CEP170B: variants seen among roughly 807,000 people sequenced by gnomAD.
CEP170B encodes the protein centrosomal protein of 170 kDa protein B.
In CEP170B, 55 loss-of-function variants were observed where a neutral mutation model predicts 120.6. The observed-to-expected ratio is 0.46, with a 90% CI of 0.37 to 0.57. The LOEUF is 0.57. Ranked by LOEUF, CEP170B falls within the 20% of genes least tolerant of loss-of-function variation. CEP170B has a pLI of 0.00. For synonymous variants in CEP170B, 1,033 were observed against 954.5 expected (o/e 1.08, Z -1.52); for missense variants, 2,212 against 2,253.3 (o/e 0.98, Z 0.37).
At position 104,896,575 on chromosome 14, in the gene CEP170B, G is replaced by C. The variant is rs1424619676; in HGVS notation, c.*1617G>C. The C allele has an allele frequency of 4.4e-6, 2 of 455,800 alleles. No homozygotes were observed. Among genetic ancestry groups the C allele is most frequent in the Non-Finnish European group, 8.8e-6 (2 of 226,910 alleles). The allele number at this position is 455,800 out of a possible 1,614,324, so 28.2% of individuals were successfully genotyped here. A position where few individuals can be genotyped will look rare whatever the true frequency, so the allele number is the denominator to read the frequency against. The stretch of plus-strand genomic sequence containing the variant: ...GCTCCTCCCCACACTGAGCTCCTTT[G>C]TTCCTCCCCCTCCAGCCTTTGCCTG... On this transcript the variant is annotated 3_prime_UTR_variant, in exon 19 of 19. Coordinates refer to ENST00000414716, the MANE Select transcript of CEP170B (RefSeq NM_001112726.3).
Position 104,870,762 on chromosome 14 carries a change from C to T in CEP170B, c.105+2207C>T, listed in dbSNP as rs1037943912. ...GGGCTTCCCAGCTCTCCTCAGTGGC[C>T]GCCCCTGGCCTGGGTGGGCCTGCAT... On this transcript the variant is annotated intron_variant, in intron 2 of 18. Transcript: ENST00000414716. This position sits in a 1 kb window ranked among gnomAD's most constrained non-coding sequence, Gnocchi z 4.1. 1.3e-5 allele frequency among the ~76,000 whole-genome samples: 2 copies of T among 152,142 alleles called. No individual in the cohort carries two copies. The highest frequency in any genetic ancestry group is 2.4e-5 in the African/African-American group (1 of 41,424).
intron 2 of CEP170B, among the ~76,000 whole-genome samples, chr14:104,872,312 T>TGG (rs1895564949): frequency 2.8e-5 from 2 of 72,184 alleles, no homozygotes; most frequent in South Asian, 5.0e-4. Context: ...TGGGTGTGCG[T>TGG]GTGTGCCGTG....
rs773755219 is a variant in CEP170B at position 104,883,457 on chromosome 14, G to A, written c.1000G>A (p.Asp334Asn). 6.4e-7 allele frequency: 1 copy of A among 1,560,240 alleles called. No homozygotes were observed. ...SLLHRVGPGD[D>N]RHSTKSDLPV... ...GCTGCACCGGGTTGGCCCTGGGGATGACCGCCACAGCACCAAGAGCGACCT... is the reference window on the plus strand; with the variant it reads ...GCTGCACCGGGTTGGCCCTGGGGATAACCGCCACAGCACCAAGAGCGACCT... Residue 334 changes from aspartate to asparagine, a missense_variant, in exon 8 of 19, where the codon GAC becomes AAC. Physicochemically the swap from Asp to Asn is conservative, Grantham distance 23. Around this residue, in one of 2 missense-constraint regions of CEP170B, gnomAD observed 2,166 missense variants for 2,166.7 expected, o/e 1.00. Transcript: ENST00000414716.
Position 104,870,659 on chromosome 14 carries a change from G to A in CEP170B, c.105+2104G>A, listed in dbSNP as rs903172421. 6.6e-6 allele frequency among the ~76,000 whole-genome samples: 1 copy of A among 152,170 alleles called. No individual in the cohort carries two copies. The highest frequency in any genetic ancestry group is 1.5e-5 in the Non-Finnish European group (1 of 68,020). On this transcript the variant is annotated intron_variant, in intron 2 of 18. Transcript: ENST00000414716. This position sits in a 1 kb window ranked among gnomAD's most constrained non-coding sequence, Gnocchi z 4.1. ...GTAGGGGAAAAGTGCTGGGGGCAGG[G>A]TGCTCAGGGTGAGTTTGGGGTCCGA...
chr14:104,876,748 G>A (rs1044861589), intron 3 of CEP170B, among the ~76,000 whole-genome samples: 1 of 152,360 alleles, frequency 6.6e-6, no homozygotes, highest in Non-Finnish European at 1.5e-5. Context: ...GGGAAGGGAA[G>A]CACTAGGCTG....
chr14:104,868,687 C>G lies in CEP170B; in HGVS notation c.105+132C>G, dbSNP rs1197875317. On this transcript the variant is annotated intron_variant, in intron 2 of 18. Transcript: ENST00000414716. This position sits in a 1 kb window ranked among gnomAD's most constrained non-coding sequence, Gnocchi z 5.9. ...GGCCGCCATGCAGCCCAGGCTGGGCCTCTTAACTTGGGTCCCGGATGCACC... is the reference window on the plus strand; with the variant it reads ...GGCCGCCATGCAGCCCAGGCTGGGCGTCTTAACTTGGGTCCCGGATGCACC... The G allele has an allele frequency of 4.6e-6, 4 of 873,888 alleles. No homozygotes were observed. Among genetic ancestry groups the G allele is most frequent in the Middle Eastern group, 3.4e-4 (1 of 2,968 alleles). 54.1% of individuals were successfully genotyped at this position (873,888 alleles called of 1,614,324 possible). A position where few individuals can be genotyped will look rare whatever the true frequency, so the allele number is the denominator to read the frequency against.
intron 14 of CEP170B, 61 bp downstream of exon 14, chr14:104,893,196 G>C (rs1352284586): frequency 4.6e-6 from 7 of 1,534,538 alleles, no homozygotes; most frequent in Non-Finnish European, 6.1e-6. Context: ...GGTCAGGCCA[G>C]GTCCCCACAG....
rs946227123 is a variant in CEP170B, at chr14:104,894,768, G to A, written c.4475G>A (p.Ser1492Asn). 1 of 1,603,804 alleles carries A rather than the reference G, an allele frequency of 6.2e-7. No homozygotes were observed. The highest frequency in any genetic ancestry group is 1.3e-5 in the African/African-American group (1 of 74,808). ...GSLDLLTGNR[S>N]LASSAQPGLG... ...CTGGACCTGCTCACAGGAAACAGGA[G>A]CTTGGCCAGCTCTGCACAGCCGGGG... is the stretch of plus-strand genomic sequence containing the variant. Residue 1492 changes from serine to asparagine, a missense_variant, in exon 19 of 19, where the codon AGC becomes AAC. Coordinates refer to ENST00000414716, the MANE Select transcript of CEP170B (RefSeq NM_001112726.3).
rs1895261949 is a variant in CEP170B at position 104,867,563 on chromosome 14, A to G, written c.-27-861A>G. On this transcript the variant is annotated intron_variant, in intron 1 of 18. Transcript: ENST00000414716. The surrounding 1 kb of genome is among the most constrained non-coding windows in gnomAD (Gnocchi z 5.4). Reference sequence around the variant, plus strand: ...GAGTGCCCAGGACATGTGTGCTGGCATGCTCCGGGCTTGCAGGGTGCATGC... The same window carrying G: ...GAGTGCCCAGGACATGTGTGCTGGCGTGCTCCGGGCTTGCAGGGTGCATGC... 6.6e-6 allele frequency among the ~76,000 whole-genome samples: 1 copy of G among 152,120 alleles called. No homozygotes were observed. Among genetic ancestry groups the G allele is most frequent in the Middle Eastern group, 3.2e-3 (1 of 312 alleles).
chr14:104,871,920 C>T (rs933627867), intron 2 of CEP170B, among the ~76,000 whole-genome samples: 1 of 152,256 alleles, frequency 6.6e-6, no homozygotes, highest in Admixed American at 6.5e-5. Context: ...CTGCCACCCA[C>T]GTGCTGTCCC....
upstream of CEP170B, chr14:104,865,245 G>A (rs1445465992): frequency 6.9e-6 from 1 of 145,250 alleles, no homozygotes; most frequent in Non-Finnish European, 1.5e-5. This position sits in a 1 kb window ranked among gnomAD's most constrained non-coding sequence, Gnocchi z 6.7. Context: ...GGGGCGTTCC[G>A]GGGGCGGGGC....
In CEP170B at chr14:104,886,843, C is replaced by T. The variant is rs200838340; in HGVS notation, c.2604C>T (p.Ser868=). 436 of 1,611,022 alleles carry T rather than the reference C, an allele frequency of 2.7e-4. 3 individuals are homozygous for T. The East Asian group carries it at 8.1e-3, about 30-fold the overall frequency. ...GPAPAFLRQE[S]FTKEPASGPP... ...CCCCAGCCTTTCTCCGGCAAGAGAGCTTCACTAAGGAGCCAGCCAGTGGTC... is the reference window on the plus strand; with the variant it reads ...CCCCAGCCTTTCTCCGGCAAGAGAGTTTCACTAAGGAGCCAGCCAGTGGTC... Residue 868 remains serine, a synonymous_variant, in exon 12 of 19, where the codon AGC becomes AGT. Coordinates refer to ENST00000414716, the MANE Select transcript of CEP170B (RefSeq NM_001112726.3).
rs991515234 is a variant in CEP170B at position 104,878,501 on chromosome 14, G to A, written c.333G>A (p.Lys111=). The A allele has an allele frequency of 8.1e-6, 13 of 1,610,694 alleles. No homozygotes were observed. Among genetic ancestry groups the A allele is most frequent in the Non-Finnish European group, 1.1e-5 (13 of 1,179,604 alleles). ...ACCGAGTCCCGGAGGAGGCACTCAA[G>A]GTTAGTGCTGGCCAAGCCCGGGTGG... ...VQHRVPEEAL[K]HEKYTSQLQV... The change falls in exon 5 of 19, where the codon AAG becomes AAA. Residue 111 remains lysine (K), a splice_region_variant and synonymous_variant. Coordinates refer to ENST00000414716, the MANE Select transcript of CEP170B (RefSeq NM_001112726.3).
At position 104,896,516 on chromosome 14, in the gene CEP170B, G is replaced by T; in HGVS notation, c.*1558G>T. 2.2e-6 allele frequency: 1 copy of T among 452,112 alleles called. No homozygotes were observed. Among genetic ancestry groups the T allele is most frequent in the Non-Finnish European group, 4.5e-6 (1 of 224,532 alleles). 28.0% of individuals were successfully genotyped at this position (452,112 alleles called of 1,614,324 possible). A position where few individuals can be genotyped will look rare whatever the true frequency, so the allele number is the denominator to read the frequency against. ...CACGGCTCCTTCCCACCCCTCGGCA[G>T]TGGCTGTGCAATGTTTTAAGTTCAC... On this transcript the variant is annotated 3_prime_UTR_variant, in exon 19 of 19. Coordinates refer to ENST00000414716, the MANE Select transcript of CEP170B (RefSeq NM_001112726.3).
rs1379657199 is a variant in CEP170B at position 104,882,392 on chromosome 14, TG to T, written c.473-330del. Among the ~76,000 whole-genome samples the T allele has an allele frequency of 4.3e-4, 65 of 151,276 alleles. 1 individual carries two copies. Among genetic ancestry groups the T allele is most frequent in the Non-Finnish European group, 5.2e-4 (35 of 67,790 alleles). ...CCGGGGCAGGGTTGCAGGACGGAGG[TG>T]GGGGGCCCCCACCATGCCCCAGGGG... is the stretch of plus-strand genomic sequence containing the variant. On this transcript the variant is annotated intron_variant, in intron 6 of 18. Coordinates refer to ENST00000414716, the MANE Select transcript of CEP170B (RefSeq NM_001112726.3).
chr14:104,882,655 G>A (rs889708835), intron 6 of CEP170B, 73 bp from the exon 7 acceptor site: 1 of 1,258,860 alleles, frequency 7.9e-7, no homozygotes, highest in Non-Finnish European at 1.1e-6. Flanking sequence ...AGCCTCTCCT[G>A]GGCTGCCAGT....
intron 12 of CEP170B, among the ~76,000 whole-genome samples, chr14:104,888,613 G>A (rs1010353758): frequency 2.0e-5 from 3 of 152,362 alleles, no homozygotes; most frequent in South Asian, 2.1e-4. Flanking sequence ...GGACATCCGC[G>A]TCTGCAGAGC....
chr14:104,877,096 G>A (rs1895894385), intron 3 of CEP170B, among the ~76,000 whole-genome samples: 1 of 152,196 alleles, frequency 6.6e-6, no homozygotes, highest in East Asian at 1.9e-4. Flanking sequence ...GAGCTGGGGG[G>A]CCCTAGCAGC....
At position 104,865,312 on chromosome 14, in the gene CEP170B, C is replaced by G. The variant is rs1387044430; in HGVS notation, c.-229C>G. The G allele has an allele frequency of 6.9e-5, 10 of 145,674 alleles. No individual in the cohort carries two copies. Among genetic ancestry groups the G allele is most frequent in the Non-Finnish European group, 1.1e-4 (7 of 65,792 alleles). 9.0% of individuals were successfully genotyped at this position (145,674 alleles called of 1,614,324 possible). A position where few individuals can be genotyped will look rare whatever the true frequency, so the allele number is the denominator to read the frequency against. On this transcript the variant is annotated 5_prime_UTR_variant, in exon 1 of 19. Coordinates refer to ENST00000414716, the MANE Select transcript of CEP170B (RefSeq NM_001112726.3). The surrounding 1 kb of genome is among the most constrained non-coding windows in gnomAD (Gnocchi z 6.7). ...GCGAGGCCGCCGGCGGCCGCTCTGC[C>G]GTGGGCTCGGCCCGGGCTGCCACGA...
Sources: gnomAD v4.1 joint callset for allele counts (sites outside exome capture counted in the v4.1 genomes callset) on GRCh38, gnomAD v4.1.1 for gene constraint, gnomAD v4.1.1 regional missense constraint, Gnocchi (gnomAD v3.1) non-coding constraint, MANE v1.5 for transcripts, NCBI Gene and HGNC (gene_info 2026-07-23, HGNC 2026-07-21) for gene names.